The following AXDND1 variants were observed in gnomAD, a reference collection of about 807,000 sequenced individuals.
The protein encoded by AXDND1 is axonemal dynein light chain domain containing 1.
In AXDND1, 110 loss-of-function variants were observed where a neutral mutation model predicts 137.5. That is an observed-to-expected ratio of 0.80 (90% CI 0.69 to 0.94). AXDND1 has a LOEUF of 0.94. AXDND1 is among the 40% of genes least tolerant of loss of function. The probability of loss-of-function intolerance (pLI) is 0.00; values close to 1 mark genes in which losing one functional copy is unlikely to be tolerated. For synonymous variants in AXDND1, 414 were observed against 399.7 expected (o/e 1.04, Z -0.43); for missense variants, 1,191 against 1,169.8 (o/e 1.02, Z -0.26).
chr1:179,477,877 G>C (rs1211190984), intron 17 of AXDND1, among the ~76,000 whole-genome samples: 1 of 152,126 alleles, frequency 6.6e-6, no homozygotes, highest in Non-Finnish European at 1.5e-5. Context: ...AGATACAAAG[G>C]GGCTACAGAC....
intron 15 of AXDND1, among the ~76,000 whole-genome samples, chr1:179,442,399 T>G (rs1249569061): frequency 6.6e-6 from 1 of 152,170 alleles, no homozygotes; most frequent in Admixed American, 6.5e-5. Context: ...GAATCAACTT[T>G]AAGACCTTTT....
At chr1:179,516,495 A>T (rs1307635229) in intron 21 of AXDND1, among the ~76,000 whole-genome samples, 1 of 151,992 alleles carries the variant, frequency 6.6e-6, no homozygotes, top group Non-Finnish European at 1.5e-5. Flanking sequence ...ATTGCTGGTG[A>T]GCTAGTGTGA....
chr1:179,477,269 G>A (rs1321828048), intron 17 of AXDND1, among the ~76,000 whole-genome samples: 1 of 150,952 alleles, frequency 6.6e-6, no homozygotes, highest in Non-Finnish European at 1.5e-5. Flanking sequence ...TGTTTATCTA[G>A]TCATGGATTT....
At chr1:179,382,813 C>T (rs1648596763) in intron 7 of AXDND1, 57 bp downstream of exon 7, 3 of 1,326,492 alleles carry the variant, frequency 2.3e-6, no homozygotes, top group Admixed American at 1.9e-5. Flanking sequence ...TATACATACA[C>T]ATTTCTTGGT....
chr1:179,510,431 A>G (rs555895248), intron 21 of AXDND1, among the ~76,000 whole-genome samples: 1 of 141,872 alleles, frequency 7.0e-6, no homozygotes, highest in Non-Finnish European at 1.5e-5. Context: ...GGAAGGTTCT[A>G]TCTACACATT....
At chr1:179,447,463 C>T in intron 16 of AXDND1, 1 of 431,616 alleles carries the variant, frequency 2.3e-6, no homozygotes, top group Non-Finnish European at 4.1e-6. Flanking sequence ...CCTTCAAATA[C>T]TAATTTTGAA....
At chr1:179,525,509 ATTT>A in intron 22 of AXDND1, 62 bp downstream of exon 22, 1 of 1,484,014 alleles carries the variant, frequency 6.7e-7, no homozygotes, top group Admixed American at 2.2e-5. Context: ...ACATACATAT[ATTT>A]TAGAGACAGG....
chr1:179,476,847 A>G (rs931543514), intron 17 of AXDND1, among the ~76,000 whole-genome samples: 1 of 152,112 alleles, frequency 6.6e-6, no homozygotes, highest in Admixed American at 6.5e-5. Flanking sequence ...CTTTGTATTT[A>G]TCTTACATGG....
intron 25 of AXDND1, among the ~76,000 whole-genome samples, chr1:179,542,987 A>G (rs1672311134): frequency 6.6e-6 from 1 of 152,182 alleles, no homozygotes; most frequent in South Asian, 2.1e-4. Flanking sequence ...TCTCCAGAAA[A>G]TCCATAGGTT....
intron 15 of AXDND1, among the ~76,000 whole-genome samples, chr1:179,436,152 C>T (rs1658122081): frequency 6.6e-6 from 1 of 152,306 alleles, no homozygotes; most frequent in South Asian, 2.1e-4. Flanking sequence ...AGATACATCT[C>T]ATGCCAGTCA....
Position 179,483,209 on chromosome 1 carries a change from A to G in AXDND1, c.2079A>G (p.Glu693=), listed in dbSNP as rs1488076873. 1 of 1,607,306 alleles carries G rather than the reference A, an allele frequency of 6.2e-7. No individual in the cohort carries two copies. The highest frequency in any genetic ancestry group is 1.1e-5 in the South Asian group (1 of 89,956). ...ATGAAATTAACAACGGTAACATTGAACTTCAGCACCACGTATGTACTTGTA... is the reference window on the plus strand; with the variant it reads ...ATGAAATTAACAACGGTAACATTGAGCTTCAGCACCACGTATGTACTTGTA... ...IGNEINNGNI[E]LQHHMDELHI... Residue 693 remains glutamate, a synonymous_variant, in exon 18 of 26, where the codon GAA becomes GAG. Transcript: ENST00000367618.
chr1:179,366,674 C>T (rs575642013), intron 2 of AXDND1, 68 bp downstream of exon 2: 8 of 1,359,854 alleles, frequency 5.9e-6, no homozygotes, highest in Admixed American at 5.4e-5. Context: ...TTCCATTCAC[C>T]GGTTTTTTAA....
rs1245437410 is a variant in AXDND1, at chr1:179,468,528, T to C, written c.1884T>C (p.Pro628=). Residue 628 remains proline, a synonymous_variant, in exon 17 of 26, where the codon CCT becomes CCC. Transcript: ENST00000367618. ...AAAACCTGGAGTTTCCTGATACGCC[T>C]CTTGAAGAATGGCAGGAAATAGATG... ...KLENLEFPDT[P]LEEWQEIDEK... The C allele has an allele frequency of 3.1e-6, 5 of 1,612,968 alleles. No homozygotes were observed. The African/African-American group carries it at 5.3e-5, about 17-fold the overall frequency.
intron 17 of AXDND1, among the ~76,000 whole-genome samples, chr1:179,469,396 T>C (rs941559530): frequency 6.6e-6 from 1 of 152,252 alleles, no homozygotes; most frequent in Non-Finnish European, 1.5e-5. Context: ...CACATTTTAT[T>C]TATTCATTTG....
At chr1:179,382,970 A>G (rs1197987905) in intron 7 of AXDND1, among the ~76,000 whole-genome samples, 2 of 152,124 alleles carry the variant, frequency 1.3e-5, no homozygotes, top group African/African-American at 4.8e-5. Flanking sequence ...ATTAAATTTT[A>G]CATATTTACA....
intron 25 of AXDND1, chr1:179,551,538 C>G (rs992964284): frequency 3.2e-5 from 48 of 1,492,112 alleles, no homozygotes; most frequent in Middle Eastern, 2.3e-4. Context: ...CAGACAAGCA[C>G]TGAGCATCTA....
intron 17 of AXDND1, among the ~76,000 whole-genome samples, chr1:179,479,107 A>G (rs1664996562): frequency 6.6e-6 from 1 of 152,142 alleles, no homozygotes; most frequent in Non-Finnish European, 1.5e-5. Context: ...GTCTCAAAAA[A>G]ATAATAATAA....
At chr1:179,448,311 A>C in intron 16 of AXDND1, 1 of 757,370 alleles carries the variant, frequency 1.3e-6, no homozygotes, top group Non-Finnish European at 2.5e-6. Flanking sequence ...AGAGCTGTTG[A>C]AAATGCACAG....
intron 18 of AXDND1, among the ~76,000 whole-genome samples, chr1:179,485,901 T>C (rs1665981155): frequency 1.3e-5 from 2 of 152,016 alleles, no homozygotes; most frequent in African/African-American, 4.8e-5. Flanking sequence ...GTGGATCGAC[T>C]GAGGTCAGGA....
Sources: gnomAD v4.1 joint callset for allele counts (sites outside exome capture counted in the v4.1 genomes callset) on GRCh38, gnomAD v4.1.1 for gene constraint, MANE v1.5 for transcripts, NCBI Gene and HGNC (gene_info 2026-07-23, HGNC 2026-07-21) for gene names.